Variants in MZT1 observed in about 807,000 individuals in gnomAD.
MZT1 encodes the protein mitotic-spindle organizing protein 1.
A neutral mutation model predicts 8.5 loss-of-function variants in MZT1; 8 were observed. That is an observed-to-expected ratio of 0.94 (90% CI 0.55 to 1.70). The LOEUF (loss-of-function observed/expected upper bound fraction) is 1.70. MZT1 is among the 40% of genes most tolerant of loss of function. MZT1 has a pLI of 0.00. For missense variants in MZT1, 93 were observed against 108.6 expected (o/e 0.86, Z 0.64); for synonymous variants, 38 against 42.0 (o/e 0.90, Z 0.37).
intron 2 of MZT1, among the ~76,000 whole-genome samples, chr13:72,713,491 T>C (rs142888564): frequency 8.5e-5 from 13 of 152,320 alleles, no homozygotes; most frequent in African/African-American, 2.6e-4. Context: ...CCACATACTT[T>C]ACATCATCTC....
intron 1 of MZT1, among the ~76,000 whole-genome samples, chr13:72,722,764 G>T (rs1461831476): frequency 6.6e-6 from 1 of 152,148 alleles, no homozygotes; most frequent in Non-Finnish European, 1.5e-5. Context: ...GTTCCCATCT[G>T]CTCCTTTCTT....
chr13:72,724,735 TATATACAC>T (rs1330828114), intron 1 of MZT1, among the ~76,000 whole-genome samples: 1,843 of 37,224 alleles, frequency 0.05, 301 homozygotes, highest in East Asian at 0.2. Flanking sequence ...TATATATATA[TATATACAC>T]ATATATATAT....
intron 1 of MZT1, among the ~76,000 whole-genome samples, chr13:72,724,706 A>G (rs2032623645): frequency 4.4e-5 from 1 of 22,636 alleles, no homozygotes; most frequent in Non-Finnish European, 3.1e-4. Flanking sequence ...TACTAAATAT[A>G]TATATATATA....
intron 2 of MZT1, among the ~76,000 whole-genome samples, chr13:72,715,234 G>C (rs2032523423): frequency 6.6e-6 from 1 of 152,172 alleles, no homozygotes; most frequent in Non-Finnish European, 1.5e-5. Context: ...TGCTGGGTTT[G>C]GAACTTGTAT....
At chr13:72,717,370 G>C (rs532415246) in intron 2 of MZT1, among the ~76,000 whole-genome samples, 1 of 135,448 alleles carries the variant, frequency 7.4e-6, no homozygotes, top group East Asian at 2.1e-4. Context: ...ATGGAGTTTC[G>C]CTCCTGTTGC....
Position 72,710,092 on chromosome 13 carries a change from AT to A in MZT1, c.*229del. The A allele has an allele frequency of 7.4e-6, 4 of 541,900 alleles. No individual in the cohort carries two copies. In the South Asian group the frequency reaches 9.9e-5, roughly 13 times the overall value. The allele number at this position is 541,900 out of a possible 1,614,324, so 33.6% of individuals were successfully genotyped here. On this transcript the variant is annotated 3_prime_UTR_variant, in exon 3 of 3. Coordinates refer to ENST00000377818, the MANE Select transcript of MZT1 (RefSeq NM_001071775.3). ...AATATGAACATAGCAATGCCAAAGC[AT>A]TAGAGCTGTTAAAAAAAGTGAATAA...
At chr13:72,712,461 C>A (rs1289515341) in intron 2 of MZT1, among the ~76,000 whole-genome samples, 1 of 152,140 alleles carries the variant, frequency 6.6e-6, no homozygotes, top group Non-Finnish European at 1.5e-5. Flanking sequence ...GCTGAAACAC[C>A]CTAGTTTTAA....
chr13:72,714,482 T>C (rs563792666), intron 2 of MZT1, among the ~76,000 whole-genome samples: 1 of 152,198 alleles, frequency 6.6e-6, no homozygotes, highest in Non-Finnish European at 1.5e-5. Flanking sequence ...TGAATCTAAA[T>C]AGAAGGCAAG....
At chr13:72,723,440 C>T (rs1254966227) in intron 1 of MZT1, among the ~76,000 whole-genome samples, 2 of 152,078 alleles carry the variant, frequency 1.3e-5, no homozygotes, top group African/African-American at 4.8e-5. Context: ...GACATAACAC[C>T]GTAGTGGAAA....
intron 1 of MZT1, among the ~76,000 whole-genome samples, chr13:72,720,380 C>T (rs776764856): frequency 6.6e-6 from 1 of 152,172 alleles, no homozygotes; most frequent in Non-Finnish European, 1.5e-5. Flanking sequence ...ATGAACTGAA[C>T]ATTTTTCATC....
chr13:72,712,110 G>A (rs545827461), intron 2 of MZT1, among the ~76,000 whole-genome samples: 1 of 151,928 alleles, frequency 6.6e-6, no homozygotes, highest in Non-Finnish European at 1.5e-5. Flanking sequence ...AAAAATTATA[G>A]AGATTATGTC....
rs531456025 is a variant in MZT1, at chr13:72,724,674, G to A, written c.79+2850C>T. ...CTGCCTCAGCCTCCCAAGTAGCTGG[G>A]ATTACAGGCACCCGTACTTACTACT... On this transcript the variant is annotated intron_variant, in intron 1 of 2. Transcript: ENST00000377818. Among the ~76,000 whole-genome samples, 13 of 122,610 alleles carry A rather than the reference G, an allele frequency of 1.1e-4. No individual in the cohort carries two copies. The East Asian group carries it at 3.1e-3, about 30-fold the overall frequency. The allele number at this position is 122,610 out of a possible 152,430, so 80.4% of individuals were successfully genotyped here.
chr13:72,711,998 T>G (rs1016464540), intron 2 of MZT1, among the ~76,000 whole-genome samples: 4 of 152,264 alleles, frequency 2.6e-5, no homozygotes, highest in African/African-American at 7.2e-5. Flanking sequence ...CACCAAACAT[T>G]ATTGCAGGCA....
At chr13:72,712,697 T>C (rs1450913722) in intron 2 of MZT1, among the ~76,000 whole-genome samples, 1 of 152,246 alleles carries the variant, frequency 6.6e-6, no homozygotes, top group African/African-American at 2.4e-5. Flanking sequence ...GAACTGCCTA[T>C]CCTAATATCG....
intron 1 of MZT1, among the ~76,000 whole-genome samples, chr13:72,724,270 C>G (rs2032617934): frequency 6.6e-6 from 1 of 151,974 alleles, no homozygotes; most frequent in South Asian, 2.1e-4. Context: ...TTAAAAAGTC[C>G]AGTTATATCA....
At chr13:72,716,164 C>T (rs1239713590) in intron 2 of MZT1, among the ~76,000 whole-genome samples, 1 of 152,164 alleles carries the variant, frequency 6.6e-6, no homozygotes, top group Non-Finnish European at 1.5e-5. Flanking sequence ...GCTCTGCCCA[C>T]CTCAGCCTCC....
At chr13:72,727,403 A>T in intron 1 of MZT1, 121 bp downstream of exon 1, 2 of 981,332 alleles carry the variant, frequency 2.0e-6, no homozygotes, top group Non-Finnish European at 3.3e-6. Flanking sequence ...CCTACCAAAG[A>T]TCTTGGAAGA....
At chr13:72,719,186 G>A in intron 1 of MZT1, 89 bp from the exon 2 acceptor site, 1 of 1,020,560 alleles carries the variant, frequency 9.8e-7, no homozygotes, top group Non-Finnish European at 1.3e-6. Flanking sequence ...ATATATCACT[G>A]CACAATACCA....
rs1250855705 is a variant in MZT1 at position 72,708,958 on chromosome 13, C to T, written c.*1364G>A. 1 of 151,714 alleles carries T rather than the reference C, an allele frequency of 6.6e-6. No individual in the cohort carries two copies. The highest frequency in any genetic ancestry group is 1.5e-5 in the Non-Finnish European group (1 of 67,894). The allele number at this position is 151,714 out of a possible 1,614,324, so 9.4% of individuals were successfully genotyped here. A position where few individuals can be genotyped will look rare whatever the true frequency, so the allele number is the denominator to read the frequency against. ...CTTGTACAATCATATAAATGGTACTCAATAAAATCTAAAATTTAAGAAATA... is the reference window on the plus strand; with the variant it reads ...CTTGTACAATCATATAAATGGTACTTAATAAAATCTAAAATTTAAGAAATA... On this transcript the variant is annotated 3_prime_UTR_variant, in exon 3 of 3. Coordinates refer to ENST00000377818, the MANE Select transcript of MZT1 (RefSeq NM_001071775.3).
Sources: allele counts gnomAD v4.1 joint callset (sites outside exome capture counted in the v4.1 genomes callset), GRCh38; gene constraint gnomAD v4.1.1; transcripts MANE v1.5; gene names NCBI Gene and HGNC (gene_info 2026-07-23, HGNC 2026-07-21).